The following ANKHD1 variants were observed in gnomAD, a reference collection of about 807,000 sequenced individuals.
The protein encoded by ANKHD1 is ankyrin repeat and KH domain-containing protein 1.
ANKHD1 carries 31 observed loss-of-function variants against 230.5 expected under a neutral mutation model. That is an observed-to-expected ratio of 0.13 (90% CI 0.10 to 0.18). The LOEUF is 0.18. Ranked by LOEUF, ANKHD1 falls within the 10% of genes least tolerant of loss-of-function variation. The pLI, the probability that ANKHD1 is intolerant of heterozygous loss-of-function variation, is 1.00. For synonymous variants in ANKHD1, 1,074 were observed against 1,117.6 expected (o/e 0.96, Z 0.78); for missense variants, 2,256 against 3,071.3 (o/e 0.73, Z 6.27).
At chr5:140,408,741 C>T (rs1770681543) in intron 1 of ANKHD1, among the ~76,000 whole-genome samples, 1 of 151,634 alleles carries the variant, frequency 6.6e-6, no homozygotes, top group Non-Finnish European at 1.5e-5. Context: ...CGCTTTTTTG[C>T]CCAGGCTGGC....
rs779209093 is a variant in ANKHD1, at chr5:140,539,014, T to G, written c.7500T>G (p.Asn2500Lys). The G allele has an allele frequency of 6.2e-7, 1 of 1,613,578 alleles. No individual in the cohort carries two copies. The highest frequency in any genetic ancestry group is 1.7e-5 in the Admixed American group (1 of 59,894). The change falls in exon 33 of 34, where the codon AAT becomes AAG. Residue 2500 changes from asparagine (N) to lysine (K), a missense_variant. This residue lies in a region of ANKHD1 where 778 missense variants were observed against 966.5 expected (regional missense o/e 0.80). Transcript: ENST00000360839. The part of the protein sequence containing the change: ...PGGPLFNGLH[N>K]PDPAWNPMIK... ...GCCCTCTGTTTAATGGACTTCACAA[T>G]CCAGATCCTGCTTGGAACCCTATGA...
intron 7 of ANKHD1, among the ~76,000 whole-genome samples, chr5:140,452,081 C>T (rs572156756): frequency 9.8e-5 from 15 of 152,300 alleles, no homozygotes; most frequent in Non-Finnish European, 1.5e-4. Flanking sequence ...ATATCCCGCG[C>T]GTGGCTCAAA....
At chr5:140,419,648 T>C (rs752778713) in intron 1 of ANKHD1, among the ~76,000 whole-genome samples, 13 of 151,512 alleles carry the variant, frequency 8.6e-5, no homozygotes, top group Non-Finnish European at 1.5e-4. Context: ...TTTGTAGATA[T>C]GGAGTATCAG....
intron 30 of ANKHD1, 89 bp downstream of exon 30, chr5:140,535,627 G>C: frequency 7.0e-7 from 1 of 1,437,348 alleles, no homozygotes; most frequent in Non-Finnish European, 9.1e-7. Context: ...TGTAACTTTA[G>C]TAAACTAAGT....
intron 7 of ANKHD1, among the ~76,000 whole-genome samples, chr5:140,457,213 G>T (rs1227104034): frequency 2.6e-5 from 4 of 152,212 alleles, no homozygotes; most frequent in Non-Finnish European, 2.9e-5. Context: ...AACAGGTGCT[G>T]GAGAGGATGT....
chr5:140,486,107 C>T, intron 13 of ANKHD1: 1 of 217,756 alleles, frequency 4.6e-6, no homozygotes, highest in Non-Finnish European at 8.9e-6. Context: ...CTCTGTTGCC[C>T]AGGCTGGAGT....
At chr5:140,457,502 C>T (rs1160474811) in intron 7 of ANKHD1, among the ~76,000 whole-genome samples, 3 of 152,148 alleles carry the variant, frequency 2.0e-5, no homozygotes, top group African/African-American at 7.2e-5. Flanking sequence ...GGCACATATA[C>T]ACCATGGAAT....
In ANKHD1 at chr5:140,459,273, T is replaced by C. The variant is rs372120011; in HGVS notation, c.1590T>C (p.Asp530=). The C allele has an allele frequency of 1.1e-4, 170 of 1,603,396 alleles. 4 individuals are homozygous for C. Among genetic ancestry groups the C allele is most frequent in the East Asian group, 8.3e-4 (37 of 44,738 alleles). The change falls in exon 9 of 34, where the codon GAT becomes GAC. Residue 530 remains aspartate (D), a synonymous_variant. Coordinates refer to ENST00000360839, the MANE Select transcript of ANKHD1 (RefSeq NM_017747.3). Reference sequence around the variant, plus strand: ...ACTTTCTTATTAAGGCAGGGGCTGATATAGAACTTGGCTGCTCCACACCTC... The same window carrying C: ...ACTTTCTTATTAAGGCAGGGGCTGACATAGAACTTGGCTGCTCCACACCTC... ...VADFLIKAGA[D]IELGCSTPLM...
At position 140,510,371 on chromosome 5, in the gene ANKHD1, G is replaced by A. The variant is rs1441291379; in HGVS notation, c.4104+190G>A. ...TCTGTCACATAGGCTAGAATGCAGT[G>A]GCATGATCGCGGCTCACTGCAACCT... On this transcript the variant is annotated intron_variant, in intron 22 of 33. Transcript: ENST00000360839. Among the ~76,000 whole-genome samples the A allele has an allele frequency of 2.2e-5, 3 of 135,406 alleles. No homozygotes were observed. The Admixed American group carries it at 2.5e-4, about 11-fold the overall frequency. The allele number at this position is 135,406 out of a possible 152,430, so 88.8% of individuals were successfully genotyped here.
At chr5:140,491,161 T>TATATATATATA (rs1403700534) in intron 14 of ANKHD1, among the ~76,000 whole-genome samples, 1 of 54,566 alleles carries the variant, frequency 1.8e-5, no homozygotes, top group Admixed American at 2.4e-4. Context: ...TATATATATA[T>TATATATATATA]TTTTTTTTTT....
In ANKHD1 at chr5:140,436,267, T is replaced by C; in HGVS notation, c.460+10T>C. ...TTGCTAGAAGCAGCAGGTACTTTAT[T>C]TTTTGTTTTATCTTTTTCATATCTT... On this transcript the variant is annotated intron_variant, in intron 2 of 33. Transcript: ENST00000360839. The C allele has an allele frequency of 1.3e-6, 2 of 1,536,254 alleles. No homozygotes were observed. Among genetic ancestry groups the C allele is most frequent in the Non-Finnish European group, 8.7e-7 (1 of 1,145,388 alleles).
Position 140,485,511 on chromosome 5 carries a change from C to T in ANKHD1, c.1999-78C>T. 6.4e-7 allele frequency: 1 copy of T among 1,566,576 alleles called. No individual in the cohort carries two copies. Among genetic ancestry groups the T allele is most frequent in the Non-Finnish European group, 8.6e-7 (1 of 1,157,150 alleles). On this transcript the variant is annotated intron_variant, in intron 12 of 33. Coordinates refer to ENST00000360839, the MANE Select transcript of ANKHD1 (RefSeq NM_017747.3). The surrounding 1 kb of genome is among the most constrained non-coding windows in gnomAD (Gnocchi z 4.8). ...CTATCTTAGTGCTTAGTATTTAATACTGTTTAAATGAGTTTTGATTTTATA... is the reference window on the plus strand; with the variant it reads ...CTATCTTAGTGCTTAGTATTTAATATTGTTTAAATGAGTTTTGATTTTATA...
intron 24 of ANKHD1, among the ~76,000 whole-genome samples, chr5:140,523,009 A>T (rs1261321311): frequency 6.6e-6 from 1 of 151,586 alleles, no homozygotes; most frequent in Non-Finnish European, 1.5e-5. Flanking sequence ...TTCTGTTTTT[A>T]AAAAATAGCT....
At chr5:140,492,702 A>C (rs1751861246) in intron 14 of ANKHD1, among the ~76,000 whole-genome samples, 1 of 152,202 alleles carries the variant, frequency 6.6e-6, no homozygotes, top group Non-Finnish European at 1.5e-5. Flanking sequence ...GGAATTACAG[A>C]ACAAGGTTTA....
chr5:140,465,828 G>T (rs1776041295), intron 10 of ANKHD1, among the ~76,000 whole-genome samples: 1 of 152,058 alleles, frequency 6.6e-6, no homozygotes, highest in Non-Finnish European at 1.5e-5. Context: ...TTTTTTGTCT[G>T]AGAATTGTGA....
intron 6 of ANKHD1, among the ~76,000 whole-genome samples, chr5:140,447,642 C>T (rs1054037271): frequency 6.6e-5 from 10 of 152,162 alleles, no homozygotes; most frequent in Admixed American, 2.6e-4. Flanking sequence ...AAAGGTAAGC[C>T]GTTTAGGGCT....
At chr5:140,462,008 A>G (rs1775736275) in intron 9 of ANKHD1, among the ~76,000 whole-genome samples, 1 of 151,972 alleles carries the variant, frequency 6.6e-6, no homozygotes, top group African/African-American at 2.4e-5. Context: ...TCTTCTTGCA[A>G]TTTTTGGTTG....
At chr5:140,407,253 T>A (rs1333675924) in intron 1 of ANKHD1, among the ~76,000 whole-genome samples, 3 of 133,240 alleles carry the variant, frequency 2.3e-5, no homozygotes, top group Non-Finnish European at 4.6e-5. Flanking sequence ...TGAGATCGCG[T>A]CACTGCACTC....
chr5:140,440,972 C>T (rs745854947), intron 4 of ANKHD1, 23 bp from the exon 5 acceptor site: 1 of 1,524,778 alleles, frequency 6.6e-7, no homozygotes, highest in Admixed American at 2.2e-5. Context: ...AACAATTTCT[C>T]TGTCTGTATA....
Sources: allele counts gnomAD v4.1 joint callset (sites outside exome capture counted in the v4.1 genomes callset), GRCh38; gene constraint gnomAD v4.1.1; regional missense constraint gnomAD v4.1.1; non-coding constraint Gnocchi (gnomAD v3.1); transcripts MANE v1.5; gene names NCBI Gene and HGNC (gene_info 2026-07-23, HGNC 2026-07-21).